Variants in AGBL4 observed in about 807,000 individuals in gnomAD.
The protein encoded by AGBL4 is cytosolic carboxypeptidase 6.
In AGBL4, 58 loss-of-function variants were observed where a neutral mutation model predicts 66.4. That is an observed-to-expected ratio of 0.87 (90% CI 0.71 to 1.09). AGBL4 has a LOEUF of 1.09. AGBL4 is among the 50% of genes least tolerant of loss of function. The pLI, the probability that AGBL4 is intolerant of heterozygous loss-of-function variation, is 0.00. For missense variants in AGBL4, 579 were observed against 631.0 expected (o/e 0.92, Z 0.88); for synonymous variants, 234 against 222.9 (o/e 1.05, Z -0.44).
At chr1:48,776,536 GGCCCCCGGCCCCTCCCGGGGTCCCA>G in intron 6 of AGBL4, 1 of 1,173,756 alleles carries the variant, frequency 8.5e-7, no homozygotes, top group Non-Finnish European at 1.1e-6. Context: ...CCTCCGCCCG[GGCCCCCGGCCCCTCCCGGGGTCCCA>G]GCCCCCGCCC....
intron 3 of AGBL4, among the ~76,000 whole-genome samples, chr1:49,562,497 G>A (rs566227080): frequency 1.3e-5 from 2 of 152,250 alleles, no homozygotes; most frequent in East Asian, 3.9e-4. Context: ...AAGGTGTAAG[G>A]AAGGGATCCA....
intron 1 of AGBL4, among the ~76,000 whole-genome samples, chr1:49,924,160 G>A (rs1652536726): frequency 1.3e-5 from 2 of 152,034 alleles, no homozygotes; most frequent in Non-Finnish European, 2.9e-5. Flanking sequence ...GGAGCTGGGG[G>A]CCATTATCCT....
chr1:49,810,342 T>C (rs1368318615), intron 2 of AGBL4, among the ~76,000 whole-genome samples: 3 of 152,170 alleles, frequency 2.0e-5, no homozygotes, highest in African/African-American at 4.8e-5. Flanking sequence ...AAAGGGCCTA[T>C]TACATTCTAG....
intron 3 of AGBL4, among the ~76,000 whole-genome samples, chr1:49,517,914 T>G (rs1258304779): frequency 2.0e-5 from 3 of 152,066 alleles, no homozygotes; most frequent in African/African-American, 7.2e-5. Context: ...TGTTAATGAT[T>G]CACTGTTACA....
chr1:49,889,354 G>T (rs1213253083), intron 1 of AGBL4, among the ~76,000 whole-genome samples: 2 of 151,964 alleles, frequency 1.3e-5, no homozygotes, highest in Admixed American at 1.3e-4. Flanking sequence ...AAATAAATAA[G>T]CATTTTCATC....
intron 2 of AGBL4, among the ~76,000 whole-genome samples, chr1:49,745,657 C>T (rs1164968701): frequency 6.6e-6 from 1 of 151,506 alleles, no homozygotes; most frequent in South Asian, 2.1e-4. Flanking sequence ...CAGGAAAATA[C>T]AATAAATATT....
chr1:49,426,439 C>T (rs865912269), intron 3 of AGBL4, among the ~76,000 whole-genome samples: 5 of 152,116 alleles, frequency 3.3e-5, no homozygotes, highest in Admixed American at 2.0e-4. Context: ...ACTGTTTGCT[C>T]CATTTATTTT....
intron 3 of AGBL4, among the ~76,000 whole-genome samples, chr1:49,654,223 G>A (rs1232748487): frequency 2.6e-5 from 4 of 152,150 alleles, no homozygotes; most frequent in Non-Finnish European, 5.9e-5. Context: ...TTTCCATGTA[G>A]TTCAGCGGTT....
At chr1:48,810,999 G>T (rs182326320) in intron 6 of AGBL4, among the ~76,000 whole-genome samples, 1 of 152,140 alleles carries the variant, frequency 6.6e-6, no homozygotes, top group Non-Finnish European at 1.5e-5. Flanking sequence ...CTGATCCTGC[G>T]TGGAGGCCTC....
chr1:48,948,112 T>C (rs1252284665), intron 5 of AGBL4, among the ~76,000 whole-genome samples: 1 of 152,158 alleles, frequency 6.6e-6, no homozygotes, highest in Non-Finnish European at 1.5e-5. Flanking sequence ...ACAGAATATT[T>C]GGATCATCTC....
intron 12 of AGBL4, 122 bp from the exon 13 acceptor site, chr1:48,535,038 A>G: frequency 1.1e-6 from 1 of 912,756 alleles, no homozygotes. Context: ...GGAGCATAGG[A>G]CGTAAGTATG....
chr1:48,750,041 C>G (rs1651429118), intron 6 of AGBL4, among the ~76,000 whole-genome samples: 1 of 152,186 alleles, frequency 6.6e-6, no homozygotes, highest in Non-Finnish European at 1.5e-5. Context: ...AAAGTTTGAT[C>G]ACATGGTGGA....
chr1:49,197,135 A>G (rs1647299603), intron 4 of AGBL4, among the ~76,000 whole-genome samples: 1 of 152,066 alleles, frequency 6.6e-6, no homozygotes, highest in South Asian at 2.1e-4. Flanking sequence ...GGCCCGATGT[A>G]TGTTGGTAGG....
chr1:50,003,749 A>G (rs968845169), intron 1 of AGBL4, among the ~76,000 whole-genome samples: 4 of 152,172 alleles, frequency 2.6e-5, no homozygotes, highest in African/African-American at 9.7e-5. Flanking sequence ...CTTTTATTTA[A>G]CTGGAGCAAG....
At chr1:49,310,866 A>G (rs1644930965) in intron 3 of AGBL4, among the ~76,000 whole-genome samples, 1 of 152,054 alleles carries the variant, frequency 6.6e-6, no homozygotes, top group South Asian at 2.1e-4. Context: ...TCCCCAAACT[A>G]GGAATAAGGA....
intron 11 of AGBL4, among the ~76,000 whole-genome samples, chr1:48,552,203 A>G (rs1461012341): frequency 6.6e-6 from 1 of 152,094 alleles, no homozygotes; most frequent in Non-Finnish European, 1.5e-5. Flanking sequence ...AGCTGGGACT[A>G]CAGGTGTGTG....
chr1:49,755,095 C>A (rs1452961635), intron 2 of AGBL4, among the ~76,000 whole-genome samples: 1 of 152,166 alleles, frequency 6.6e-6, no homozygotes, highest in African/African-American at 2.4e-5. Context: ...AAGGTTTAAA[C>A]AAATGCCTGG....
In AGBL4 at chr1:48,673,311, A is replaced by G. The variant is rs544750303; in HGVS notation, c.635-10070T>C. ...TTCCCCAAGCAGAGAACTGATATATATGAGCACTCCAAGAGCTTCAGGAAA... is the reference window on the plus strand; with the variant it reads ...TTCCCCAAGCAGAGAACTGATATATGTGAGCACTCCAAGAGCTTCAGGAAA... On this transcript the variant is annotated intron_variant, in intron 6 of 13. Coordinates refer to ENST00000371839, the MANE Select transcript of AGBL4 (RefSeq NM_032785.4). Among the ~76,000 whole-genome samples the G allele has an allele frequency of 1.4e-4, 22 of 152,232 alleles. No individual in the cohort carries two copies. The South Asian group carries it at 4.6e-3, about 32-fold the overall frequency.
At chr1:48,535,011 G>T (rs1294611396) in intron 12 of AGBL4, 95 bp from the exon 13 acceptor site, 3 of 1,150,776 alleles carry the variant, frequency 2.6e-6, no homozygotes, top group Non-Finnish European at 3.8e-6. Context: ...GAAGGATGTT[G>T]TTTTTAACAC....
Sources: gnomAD v4.1 joint callset for allele counts (sites outside exome capture counted in the v4.1 genomes callset) on GRCh38, gnomAD v4.1.1 for gene constraint, MANE v1.5 for transcripts, NCBI Gene and HGNC (gene_info 2026-07-23, HGNC 2026-07-21) for gene names.